Variants in NMNAT2 observed in about 807,000 individuals in gnomAD.
The protein encoded by NMNAT2 is nicotinamide nucleotide adenylyltransferase 2, also known as nicotinamide/nicotinic acid mononucleotide adenylyltransferase 2.
Under a neutral mutation model 41.6 loss-of-function variants are expected in NMNAT2, and 11 were observed. The ratio of observed to expected loss-of-function variants is 0.26; its 90% CI spans 0.17 to 0.44. The LOEUF is 0.44. Among genes scored for constraint, NMNAT2 ranks in the 20% least tolerant of loss-of-function variants. NMNAT2 has a pLI of 1.00. For missense variants in NMNAT2, 288 were observed against 407.7 expected (o/e 0.71, Z 2.53); for synonymous variants, 148 against 151.2 (o/e 0.98, Z 0.16).
intron 1 of NMNAT2, among the ~76,000 whole-genome samples, chr1:183,360,798 G>T (rs1663290989): frequency 6.6e-6 from 1 of 152,194 alleles, no homozygotes; most frequent in Non-Finnish European, 1.5e-5. Context: ...AATAAGTGCA[G>T]ATCCTCCAGG....
intron 1 of NMNAT2, among the ~76,000 whole-genome samples, chr1:183,416,979 C>T (rs1011418016): frequency 1.3e-5 from 2 of 152,124 alleles, no homozygotes; most frequent in Non-Finnish European, 2.9e-5. Flanking sequence ...CAGGTCAGGG[C>T]CTCCCACACG....
intron 8 of NMNAT2, among the ~76,000 whole-genome samples, chr1:183,275,753 A>C (rs1182642617): frequency 6.6e-6 from 1 of 152,046 alleles, no homozygotes. Flanking sequence ...GCTCACTGCA[A>C]TCTCTGCCTC....
At position 183,293,701 on chromosome 1, in the gene NMNAT2, C is replaced by A. The variant is rs1334209345; in HGVS notation, c.174+4G>T. 1 of 1,608,682 alleles carries A rather than the reference C, an allele frequency of 6.2e-7. No homozygotes were observed. Among genetic ancestry groups the A allele is most frequent in the African/African-American group, 1.3e-5 (1 of 74,938 alleles). On this transcript the variant is annotated splice_donor_region_variant and intron_variant, in intron 2 of 10. Coordinates refer to ENST00000287713, the MANE Select transcript of NMNAT2 (RefSeq NM_015039.4). Reference sequence around the variant, plus strand: ...AGAGGAGAGGGGCACAGGAAGGAACCCACCTGTTTTCCATAGGAGTCGTGG... The same window carrying A: ...AGAGGAGAGGGGCACAGGAAGGAACACACCTGTTTTCCATAGGAGTCGTGG...
At chr1:183,281,243 C>T (rs1159302858) in intron 7 of NMNAT2, among the ~76,000 whole-genome samples, 2 of 152,112 alleles carry the variant, frequency 1.3e-5, no homozygotes, top group Non-Finnish European at 2.9e-5. Context: ...CAACTGAGGG[C>T]AATTTTGCAA....
intron 1 of NMNAT2, among the ~76,000 whole-genome samples, chr1:183,360,706 G>T (rs1017952150): frequency 6.6e-6 from 1 of 152,168 alleles, no homozygotes; most frequent in Admixed American, 6.5e-5. Context: ...CTATAAAATT[G>T]GCAGTGTGCC....
intron 7 of NMNAT2, chr1:183,283,747 C>G (rs1179458133): frequency 1.9e-6 from 1 of 521,480 alleles, no homozygotes; most frequent in Non-Finnish European, 3.5e-6. Context: ...GGAGTGGAGG[C>G]TCTGAAGGAA....
chr1:183,347,290 C>CA (rs1350812236), intron 1 of NMNAT2, among the ~76,000 whole-genome samples: 1 of 151,634 alleles, frequency 6.6e-6, no homozygotes, highest in Non-Finnish European at 1.5e-5. Flanking sequence ...GCCATCTCTA[C>CA]AAAAAAAATA....
chr1:183,284,319 C>G (rs1323899718), intron 6 of NMNAT2, among the ~76,000 whole-genome samples: 1 of 152,212 alleles, frequency 6.6e-6, no homozygotes, highest in Non-Finnish European at 1.5e-5. Flanking sequence ...CACGCTCATG[C>G]TGAGCGCCTT....
chr1:183,329,159 C>T (rs1300194440), intron 1 of NMNAT2, among the ~76,000 whole-genome samples: 3 of 152,152 alleles, frequency 2.0e-5, no homozygotes, highest in Admixed American at 1.3e-4. Context: ...TTCATGATTT[C>T]TATCCCCCTA....
At chr1:183,274,561 C>T (rs1661075757) in intron 8 of NMNAT2, among the ~76,000 whole-genome samples, 1 of 151,866 alleles carries the variant, frequency 6.6e-6, no homozygotes, top group Non-Finnish European at 1.5e-5. Flanking sequence ...GATCCACCTG[C>T]CTCAGCCTCC....
rs1434650967 is a variant in NMNAT2, at chr1:183,252,269, C to G, written c.*372G>C. 4.6e-6 allele frequency: 1 copy of G among 219,552 alleles called. No homozygotes were observed. Among genetic ancestry groups the G allele is most frequent in the East Asian group, 1.2e-4 (1 of 8,274 alleles). 13.6% of individuals were successfully genotyped at this position (219,552 alleles called of 1,614,324 possible). The stretch of plus-strand genomic sequence containing the variant: ...GAGGAGGGGCACCAGAGCCGCCTCT[C>G]TAGAGCATGCTGGGAGGATGGGCAC... On this transcript the variant is annotated 3_prime_UTR_variant, in exon 11 of 11. Coordinates refer to ENST00000287713, the MANE Select transcript of NMNAT2 (RefSeq NM_015039.4).
At chr1:183,374,132 C>G (rs1663620739) in intron 1 of NMNAT2, among the ~76,000 whole-genome samples, 1 of 152,208 alleles carries the variant, frequency 6.6e-6, no homozygotes, top group Non-Finnish European at 1.5e-5. Flanking sequence ...CCAAGGTCAT[C>G]CATGTAGGGT....
intron 1 of NMNAT2, among the ~76,000 whole-genome samples, chr1:183,417,605 GGCCCAC>G (rs1649292102): frequency 1.3e-5 from 2 of 152,088 alleles, no homozygotes; most frequent in African/African-American, 2.4e-5. Context: ...GGCAATACAC[GGCCCAC>G]AATTCCCAAA....
At chr1:183,274,375 G>A (rs751456900) in intron 8 of NMNAT2, among the ~76,000 whole-genome samples, 3 of 151,896 alleles carry the variant, frequency 2.0e-5, no homozygotes, top group African/African-American at 7.2e-5. Context: ...GCAATGGCAC[G>A]ATCTCTGCTC....
chr1:183,282,618 G>A (rs893869186), intron 7 of NMNAT2, among the ~76,000 whole-genome samples: 3 of 152,248 alleles, frequency 2.0e-5, no homozygotes, highest in African/African-American at 7.2e-5. Context: ...TGCGTGGGAA[G>A]GCAGCAGGTG....
In NMNAT2 at chr1:183,251,595, A is replaced by G. The variant is rs560844237; in HGVS notation, c.*1046T>C. 2.6e-5 allele frequency: 4 copies of G among 152,704 alleles called. No individual in the cohort carries two copies. The highest frequency in any genetic ancestry group is 1.9e-4 in the East Asian group (1 of 5,178). 9.5% of individuals were successfully genotyped at this position (152,704 alleles called of 1,614,324 possible). On this transcript the variant is annotated 3_prime_UTR_variant, in exon 11 of 11. Transcript: ENST00000287713. ...CTCAGGTACAGGAATGTGTCTAAGC[A>G]TGGCCTCCAAAGGTCCCTTGGAAAC...
At position 183,411,724 on chromosome 1, in the gene NMNAT2, G is replaced by A. The variant is rs1050036198; in HGVS notation, c.85+6459C>T. On this transcript the variant is annotated intron_variant, in intron 1 of 10. Coordinates refer to ENST00000287713, the MANE Select transcript of NMNAT2 (RefSeq NM_015039.4). ...TGAGGAGCTCTAGCTGGGGAGACAG[G>A]CATTGAATAATAAGCATAAGAAAAC... 2.6e-5 allele frequency among the ~76,000 whole-genome samples: 4 copies of A among 152,156 alleles called. No homozygotes were observed. The South Asian group carries it at 6.2e-4, about 24-fold the overall frequency.
At position 183,252,332 on chromosome 1, in the gene NMNAT2, A is replaced by C; in HGVS notation, c.*309T>G. 1 of 332,234 alleles carries C rather than the reference A, an allele frequency of 3.0e-6. No homozygotes were observed. Among genetic ancestry groups the C allele is most frequent in the Non-Finnish European group, 5.7e-6 (1 of 175,676 alleles). 20.6% of individuals were successfully genotyped at this position (332,234 alleles called of 1,614,324 possible). ...CCCAGAGCGTGCTGGGAGGATGGGC[A>C]CCAGAGCCGCCTCTCTAGAGCATGC... On this transcript the variant is annotated 3_prime_UTR_variant, in exon 11 of 11. Transcript: ENST00000287713.
At chr1:183,321,606 G>A (rs1291182440) in intron 1 of NMNAT2, among the ~76,000 whole-genome samples, 2 of 152,170 alleles carry the variant, frequency 1.3e-5, no homozygotes, top group African/African-American at 4.8e-5. Context: ...GCTGGGTATG[G>A]TGGCATGTAC....
Sources: allele counts gnomAD v4.1 joint callset (sites outside exome capture counted in the v4.1 genomes callset), GRCh38; gene constraint gnomAD v4.1.1; transcripts MANE v1.5; gene names NCBI Gene and HGNC (gene_info 2026-07-23, HGNC 2026-07-21).